Variants in TULP4 observed in about 807,000 individuals in gnomAD.
TULP4 encodes the protein TUB like protein 4.
Under a neutral mutation model 129.0 loss-of-function variants are expected in TULP4, and 16 were observed. The observed-to-expected ratio is 0.12, with a 90% CI of 0.08 to 0.19. The LOEUF (loss-of-function observed/expected upper bound fraction) is 0.19. Among genes scored for constraint, TULP4 ranks in the 10% least tolerant of loss-of-function variants. The probability of loss-of-function intolerance (pLI) is 1.00; values close to 1 mark genes in which losing one functional copy is unlikely to be tolerated. For synonymous variants in TULP4, 998 were observed against 854.0 expected, an observed-to-expected ratio of 1.17 and a Z score of -2.94; for missense variants, 1,842 against 2,059.1, an observed-to-expected ratio of 0.89 and a Z score of 2.04.
At position 158,503,255 on chromosome 6, in the gene TULP4, C is replaced by A. The variant is rs1474982724; in HGVS notation, c.3592C>A (p.Pro1198Thr). Residue 1198 changes from proline to threonine, a missense_variant, in exon 13 of 14, where the codon CCC becomes ACC. This residue lies in a region of TULP4 where 1,089 missense variants were observed against 987.1 expected (regional missense o/e 1.10). Transcript: ENST00000367097. The surrounding 1 kb of genome is among the most constrained non-coding windows in gnomAD (Gnocchi z 4.3). ...GCCATATCCAGGAAGCTATAACAACCCCCCTTTGCCTGGAGTGCAGGCTCC... is the reference window on the plus strand; with the variant it reads ...GCCATATCCAGGAAGCTATAACAACACCCCTTTGCCTGGAGTGCAGGCTCC... Reference protein sequence around the residue: ...GVPYPGSYNNPPLPGVQAPCS... With the variant: ...GVPYPGSYNNTPLPGVQAPCS... 6 of 1,613,878 alleles carry A rather than the reference C, an allele frequency of 3.7e-6. No homozygotes were observed. The highest frequency in any genetic ancestry group is 1.3e-5 in the African/African-American group (1 of 74,870).
At chr6:158,423,315 G>A (rs528358050) in intron 2 of TULP4, among the ~76,000 whole-genome samples, 27 of 152,322 alleles carry the variant, frequency 1.8e-4, no homozygotes, top group Middle Eastern at 3.4e-3. Context: ...AGACTTCATC[G>A]AAATTTAATG....
intron 1 of TULP4, among the ~76,000 whole-genome samples, chr6:158,372,912 A>AAT (rs1249262642): frequency 6.6e-6 from 1 of 152,260 alleles, no homozygotes; most frequent in Non-Finnish European, 1.5e-5. Flanking sequence ...TAGGCATATA[A>AAT]AGAACTAGGA....
At chr6:158,301,396 GTTT>G (rs55701914) in intron 1 of TULP4, among the ~76,000 whole-genome samples, 1 of 147,008 alleles carries the variant, frequency 6.8e-6, no homozygotes, top group Admixed American at 6.8e-5. Flanking sequence ...AAATCAAACA[GTTT>G]TTTTTTTTTT....
chr6:158,308,638 C>A (rs1374348732), upstream of TULP4, among the ~76,000 whole-genome samples: 15 of 144,720 alleles, frequency 1.0e-4, no homozygotes, highest in East Asian at 2.1e-4. Flanking sequence ...GGGCTGACCC[C>A]CCCACCTCCC....
intron 1 of TULP4, among the ~76,000 whole-genome samples, chr6:158,360,417 C>T (rs1222943622): frequency 1.3e-5 from 2 of 152,080 alleles, no homozygotes; most frequent in Non-Finnish European, 2.9e-5. Context: ...CAGTGTCTGC[C>T]CAAGAGGCTG....
At chr6:158,295,876 A>G in intron 1 of TULP4, among the ~76,000 whole-genome samples, 1 of 152,170 alleles carries the variant, frequency 6.6e-6, no homozygotes, top group East Asian at 1.9e-4. Context: ...GGGCAACAGA[A>G]TGAGACTCCG....
At chr6:158,409,617 A>G (rs1245377950) in intron 1 of TULP4, among the ~76,000 whole-genome samples, 1 of 152,182 alleles carries the variant, frequency 6.6e-6, no homozygotes, top group Non-Finnish European at 1.5e-5. Flanking sequence ...GGAAGGATTT[A>G]GAGAACAGGA....
chr6:158,301,671 G>A (rs763140865), intron 1 of TULP4, among the ~76,000 whole-genome samples: 1 of 152,186 alleles, frequency 6.6e-6, no homozygotes, highest in Non-Finnish European at 1.5e-5. Flanking sequence ...TATTAGCCCA[G>A]TAGGGGAGTG....
intron 6 of TULP4, among the ~76,000 whole-genome samples, chr6:158,469,305 A>T (rs1779620407): frequency 6.7e-6 from 1 of 148,518 alleles, no homozygotes; most frequent in Admixed American, 6.8e-5. Context: ...ACAGGATCTC[A>T]CTCTGTCATT....
At chr6:158,312,029 A>ATG (rs1779365806), upstream of TULP4, 9 of 312,154 alleles carry the variant, frequency 2.9e-5, no homozygotes, top group Admixed American at 5.9e-4. Flanking sequence ...TAAATTTTAT[A>ATG]TCTTTTTTTT....
upstream of TULP4, among the ~76,000 whole-genome samples, chr6:158,309,980 G>A (rs1256591377): frequency 6.6e-6 from 1 of 151,462 alleles, no homozygotes; most frequent in Non-Finnish European, 1.5e-5. Flanking sequence ...AATTCTGTTA[G>A]TTGTTTTCCT....
chr6:158,460,162 T>A (rs950893551), intron 5 of TULP4, among the ~76,000 whole-genome samples: 8 of 152,314 alleles, frequency 5.3e-5, no homozygotes, highest in African/African-American at 1.4e-4. Flanking sequence ...ACCTGTCTTG[T>A]CCCAGGAGAC....
chr6:158,503,145 T>C lies in TULP4; in HGVS notation c.3482T>C (p.Leu1161Pro). The part of the protein sequence containing the change: ...SSLMLSQGQH[L>P]DVSRLPFISP... ...CTGATGCTGAGTCAGGGCCAGCACCTGGACGTGTCCCGACTGCCCTTCATC... is the reference window on the plus strand; with the variant it reads ...CTGATGCTGAGTCAGGGCCAGCACCCGGACGTGTCCCGACTGCCCTTCATC... The change falls in exon 13 of 14, where the codon CTG (leucine) becomes CCG (proline). Residue 1161 changes from leucine (L) to proline (P), a missense_variant. By Grantham distance (98) the Leu-to-Pro change is moderately conservative (BLOSUM62 -3). Around this residue, in one of 5 missense-constraint regions of TULP4, gnomAD observed 1,089 missense variants for 987.1 expected, o/e 1.10. Coordinates refer to ENST00000367097, the MANE Select transcript of TULP4 (RefSeq NM_020245.5). The surrounding 1 kb of genome is among the most constrained non-coding windows in gnomAD (Gnocchi z 4.3). The C allele has an allele frequency of 6.2e-7, 1 of 1,613,686 alleles. No homozygotes were observed. Among genetic ancestry groups the C allele is most frequent in the South Asian group, 1.1e-5 (1 of 91,034 alleles).
intron 1 of TULP4, among the ~76,000 whole-genome samples, chr6:158,377,450 T>C (rs1180140030): frequency 1.3e-5 from 2 of 152,272 alleles, no homozygotes; most frequent in Non-Finnish European, 2.9e-5. Flanking sequence ...TTGAGTAGCT[T>C]GCCTAAGTTT....
intron 3 of TULP4, among the ~76,000 whole-genome samples, chr6:158,445,114 G>A (rs1024785167): frequency 8.5e-5 from 13 of 152,104 alleles, no homozygotes; most frequent in Non-Finnish European, 1.5e-4. Flanking sequence ...GTGCCTGGCC[G>A]TGTTGCTATT....
At chr6:158,267,962 G>GT (rs1778477919) in intron 1 of TULP4, among the ~76,000 whole-genome samples, 1 of 149,136 alleles carries the variant, frequency 6.7e-6, no homozygotes, top group African/African-American at 2.5e-5. Flanking sequence ...TTTTCCACAG[G>GT]TTTTTAAAAT....
At chr6:158,276,093 C>A (rs1188482450) in intron 1 of TULP4, among the ~76,000 whole-genome samples, 1 of 152,086 alleles carries the variant, frequency 6.6e-6, no homozygotes, top group Non-Finnish European at 1.5e-5. Context: ...TCTCAGCCCC[C>A]CAAGTAGCTG....
At chr6:158,496,120 G>A (rs530961848) in intron 11 of TULP4, among the ~76,000 whole-genome samples, 1 of 152,300 alleles carries the variant, frequency 6.6e-6, no homozygotes, top group African/African-American at 2.4e-5. Flanking sequence ...CTTCTGTTGG[G>A]GAGGTCCCTA....
chr6:158,434,530 T>A (rs1778709643), intron 3 of TULP4, among the ~76,000 whole-genome samples: 1 of 152,250 alleles, frequency 6.6e-6, no homozygotes, highest in East Asian at 1.9e-4. Flanking sequence ...CAGCAGGGTC[T>A]GCCAGAGCGA....
Sources: gnomAD v4.1 joint callset for allele counts (sites outside exome capture counted in the v4.1 genomes callset) on GRCh38, gnomAD v4.1.1 for gene constraint, gnomAD v4.1.1 regional missense constraint, Gnocchi (gnomAD v3.1) non-coding constraint, MANE v1.5 for transcripts, NCBI Gene and HGNC (gene_info 2026-07-23, HGNC 2026-07-21) for gene names.